The following SPRED2 variants were observed in gnomAD, a reference collection of about 807,000 sequenced individuals.
The protein encoded by SPRED2 is sprouty-related, EVH1 domain-containing protein 2.
SPRED2 carries 47 observed loss-of-function variants against 43.0 expected under a neutral mutation model. The observed-to-expected ratio is 1.09, with a 90% CI of 0.87 to 1.40. The LOEUF is 1.40. Ranked by LOEUF, SPRED2 falls within the 40% of genes most tolerant of loss-of-function variation. The pLI, the probability that SPRED2 is intolerant of heterozygous loss-of-function variation, is 0.00. For synonymous variants in SPRED2, 225 were observed against 225.7 expected, an observed-to-expected ratio of 1.00 and a Z score of 0.03; for missense variants, 561 against 586.4, an observed-to-expected ratio of 0.96 and a Z score of 0.45.
intron 1 of SPRED2, among the ~76,000 whole-genome samples, chr2:65,402,389 G>T (rs183602677): frequency 2.0e-5 from 3 of 152,112 alleles, no homozygotes; most frequent in Non-Finnish European, 4.4e-5. Flanking sequence ...GGCCGGGTAA[G>T]CGGGCTGCCC....
intron 1 of SPRED2, among the ~76,000 whole-genome samples, chr2:65,372,233 C>A (rs561741231): frequency 6.6e-5 from 10 of 152,246 alleles, no homozygotes; most frequent in African/African-American, 2.2e-4. Flanking sequence ...TTATCACACC[C>A]GTAAATTCTG....
At chr2:65,335,337 AC>A (rs1673934418) in intron 2 of SPRED2, among the ~76,000 whole-genome samples, 1 of 151,012 alleles carries the variant, frequency 6.6e-6, no homozygotes, top group South Asian at 2.1e-4. Flanking sequence ...TTTTATATCA[AC>A]CCCATTTCAG....
chr2:65,422,103 C>CACACACACACACAA (rs1676440580), intron 1 of SPRED2, among the ~76,000 whole-genome samples: 1 of 111,244 alleles, frequency 9.0e-6, no homozygotes, highest in Admixed American at 8.3e-5. Flanking sequence ...CACACACACA[C>CACACACACACACAA]ACTCTCTCTC....
At chr2:65,341,899 G>T (rs1389616824) in intron 2 of SPRED2, among the ~76,000 whole-genome samples, 1 of 151,470 alleles carries the variant, frequency 6.6e-6, no homozygotes, top group Non-Finnish European at 1.5e-5. Flanking sequence ...CAAAGAAGTG[G>T]AAAAAAATTT....
downstream of SPRED2, chr2:65,308,667 C>T (rs778783443): frequency 8.8e-5 from 58 of 657,358 alleles, no homozygotes; most frequent in East Asian, 1.4e-4. Context: ...TTAACCTTCA[C>T]GCCAGCTGAG....
rs1254682713 is a variant in SPRED2 at position 65,312,670 on chromosome 2, G to A, written c.*831C>T. On this transcript the variant is annotated 3_prime_UTR_variant, in exon 6 of 6. Coordinates refer to ENST00000356388, the MANE Select transcript of SPRED2 (RefSeq NM_181784.3). ...AAAAATGTTCTACTTTAGGGGTAAT[G>A]GGGAGGCTCATAGAAACCTGAAATC... is the stretch of plus-strand genomic sequence containing the variant. The A allele has an allele frequency of 5.1e-6, 5 of 985,742 alleles. No individual in the cohort carries two copies. The highest frequency in any genetic ancestry group is 3.5e-5 in the African/African-American group (2 of 57,226). The allele number at this position is 985,742 out of a possible 1,614,324, so 61.1% of individuals were successfully genotyped here.
intron 2 of SPRED2, among the ~76,000 whole-genome samples, chr2:65,340,564 T>C (rs541036821): frequency 6.6e-6 from 1 of 152,322 alleles, no homozygotes; most frequent in South Asian, 2.1e-4. Context: ...CTCTAATCCA[T>C]CTAAAAATGA....
chr2:65,389,831 C>A (rs1229380991), intron 1 of SPRED2, among the ~76,000 whole-genome samples: 1 of 152,086 alleles, frequency 6.6e-6, no homozygotes, highest in East Asian at 1.9e-4. Context: ...AGAAATTTTG[C>A]AGGAGTAAAA....
chr2:65,351,041 C>T (rs145927989), intron 1 of SPRED2, among the ~76,000 whole-genome samples: 1 of 152,320 alleles, frequency 6.6e-6, no homozygotes, highest in African/African-American at 2.4e-5. Flanking sequence ...TTGTAACCAT[C>T]ATCATTTTTG....
At chr2:65,341,126 T>TGTGTGC (rs1394405177) in intron 2 of SPRED2, among the ~76,000 whole-genome samples, 3 of 150,188 alleles carry the variant, frequency 2.0e-5, no homozygotes, top group Admixed American at 6.7e-5. Flanking sequence ...TGTGTGTGTG[T>TGTGTGC]GTGCATGTGC....
At chr2:65,423,326 G>T (rs1209042278) in intron 1 of SPRED2, among the ~76,000 whole-genome samples, 1 of 152,206 alleles carries the variant, frequency 6.6e-6, no homozygotes, top group African/African-American at 2.4e-5. Context: ...AGCCAAGGAT[G>T]CTATTACAGG....
intron 4 of SPRED2, among the ~76,000 whole-genome samples, chr2:65,319,084 C>G (rs1002161343): frequency 6.6e-6 from 1 of 152,194 alleles, no homozygotes; most frequent in African/African-American, 2.4e-5. Flanking sequence ...AAAAGCACTA[C>G]AAGAATTTAG....
intron 4 of SPRED2, among the ~76,000 whole-genome samples, chr2:65,328,196 T>C (rs938710931): frequency 1.3e-5 from 2 of 152,192 alleles, no homozygotes; most frequent in Non-Finnish European, 2.9e-5. Context: ...TCTTCTAAAA[T>C]GAGACTGGGG....
At chr2:65,341,069 G>A (rs887733118) in intron 2 of SPRED2, among the ~76,000 whole-genome samples, 3 of 137,364 alleles carry the variant, frequency 2.2e-5, no homozygotes, top group African/African-American at 7.7e-5. Flanking sequence ...GGGGAGGGCA[G>A]TGAGAGAGAG....
At chr2:65,374,682 C>T (rs924993567) in intron 1 of SPRED2, among the ~76,000 whole-genome samples, 1 of 152,220 alleles carries the variant, frequency 6.6e-6, no homozygotes, top group African/African-American at 2.4e-5. Context: ...TTCTTCCTGG[C>T]TCTGCCACAA....
At chr2:65,360,967 G>A (rs576275322) in intron 1 of SPRED2, among the ~76,000 whole-genome samples, 3 of 152,316 alleles carry the variant, frequency 2.0e-5, no homozygotes, top group African/African-American at 7.2e-5. Context: ...CACTTTGGGA[G>A]GCCAAAGCAG....
At chr2:65,310,825 CCAGA>C (rs1036873494), downstream of SPRED2, 337 of 972,636 alleles carry the variant, frequency 3.5e-4, 3 homozygotes, top group African/African-American at 5.3e-3. Context: ...TCGTCTCCTG[CCAGA>C]CAAATACCCC....
chr2:65,367,673 C>CT (rs1448294759), intron 1 of SPRED2, among the ~76,000 whole-genome samples: 2 of 152,130 alleles, frequency 1.3e-5, no homozygotes, highest in African/African-American at 4.8e-5. Flanking sequence ...CGCCTAGTGC[C>CT]TTCTCCTCCC....
chr2:65,407,245 C>CCTTTTTTTTT (rs1676046225), intron 1 of SPRED2, among the ~76,000 whole-genome samples: 2 of 120,968 alleles, frequency 1.7e-5, no homozygotes, highest in Non-Finnish European at 1.6e-5. Flanking sequence ...GCGCTGGCTC[C>CCTTTTTTTTT]TTTTTTTTTT....
Sources: gnomAD v4.1 joint callset for allele counts (sites outside exome capture counted in the v4.1 genomes callset) on GRCh38, gnomAD v4.1.1 for gene constraint, MANE v1.5 for transcripts, NCBI Gene and HGNC (gene_info 2026-07-23, HGNC 2026-07-21) for gene names.